SLIT3: variants seen among roughly 807,000 people sequenced by gnomAD.
The protein encoded by SLIT3 is slit guidance ligand 3.
SLIT3 carries 68 observed loss-of-function variants against 184.0 expected under a neutral mutation model. That is an observed-to-expected ratio of 0.37 (90% CI 0.30 to 0.45). The LOEUF is 0.45. Ranked by LOEUF, SLIT3 falls within the 20% of genes least tolerant of loss-of-function variation. The pLI is 1.00. For missense variants in SLIT3, 1,707 were observed against 2,026.0 expected, an observed-to-expected ratio of 0.84 and a Z score of 3.02; for synonymous variants, 831 against 828.6, an observed-to-expected ratio of 1.00 and a Z score of -0.05.
intron 3 of SLIT3, among the ~76,000 whole-genome samples, chr5:169,243,396 T>A (rs1397263051): frequency 6.6e-6 from 1 of 152,230 alleles, no homozygotes; most frequent in East Asian, 1.9e-4. Flanking sequence ...TTAAGAAACT[T>A]AAAAATAAAC....
intron 3 of SLIT3, among the ~76,000 whole-genome samples, chr5:169,235,959 C>G (rs1273813526): frequency 6.6e-6 from 1 of 152,182 alleles, no homozygotes; most frequent in Non-Finnish European, 1.5e-5. Context: ...CACTCCCTTC[C>G]CTTTTCACAT....
chr5:168,994,315 C>G (rs1755434900), intron 4 of SLIT3: 1 of 152,162 alleles, frequency 6.6e-6, no homozygotes, highest in Admixed American at 6.5e-5. Context: ...TACTGAGAAT[C>G]AAAGGCATCC....
intron 1 of SLIT3, among the ~76,000 whole-genome samples, chr5:169,285,637 G>A (rs1246723736): frequency 6.6e-6 from 1 of 152,178 alleles, no homozygotes; most frequent in African/African-American, 2.4e-5. Flanking sequence ...CTGAGTTGCT[G>A]CACACCTCTT....
At chr5:169,174,420 C>T (rs1325056237) in intron 4 of SLIT3, among the ~76,000 whole-genome samples, 1 of 152,162 alleles carries the variant, frequency 6.6e-6, no homozygotes, top group Non-Finnish European at 1.5e-5. Flanking sequence ...GAGAGCATCT[C>T]TCCTTCTCAG....
At chr5:168,780,589 GTTATCACCTCTACACATTGGCACGAACGC>G (rs1287333738) in intron 12 of SLIT3, among the ~76,000 whole-genome samples, 8 of 152,202 alleles carry the variant, frequency 5.3e-5, no homozygotes, top group African/African-American at 1.9e-4. Context: ...CCTGGAAGTA[GTTATCACCTCTACACATTGGCACGAACGC>G]TTAGTGAAGA....
chr5:169,121,881 C>T lies in SLIT3; in HGVS notation c.413+71598G>A, dbSNP rs561773286. Among the ~76,000 whole-genome samples the T allele has an allele frequency of 2.3e-3, 343 of 152,314 alleles. 2 individuals are homozygous for T. Among genetic ancestry groups the T allele is most frequent in the Admixed American group, 4.8e-3 (73 of 15,306 alleles). On this transcript the variant is annotated intron_variant, in intron 4 of 35. Transcript: ENST00000519560. ...GTTATGCAGGAGCTGCTGTGAATTC[C>T]AGTTTAGTGCTCCTTTCTCAACTCC... is the stretch of plus-strand genomic sequence containing the variant.
intron 4 of SLIT3, among the ~76,000 whole-genome samples, chr5:168,961,542 G>A (rs1763008116): frequency 6.6e-6 from 1 of 152,200 alleles, no homozygotes; most frequent in South Asian, 2.1e-4. Flanking sequence ...AAGACAAAAT[G>A]TGAGTGTTAT....
intron 4 of SLIT3, among the ~76,000 whole-genome samples, chr5:169,126,422 T>C (rs1469578210): frequency 6.6e-6 from 1 of 152,172 alleles, no homozygotes; most frequent in Non-Finnish European, 1.5e-5. Flanking sequence ...TATTTTGTAA[T>C]CCTCAGAGCC....
At chr5:168,929,940 C>T (rs1269839107) in intron 4 of SLIT3, among the ~76,000 whole-genome samples, 1 of 152,192 alleles carries the variant, frequency 6.6e-6, no homozygotes, top group Non-Finnish European at 1.5e-5. Context: ...CCACATCTAC[C>T]TTTGAGCTCA....
intron 4 of SLIT3, among the ~76,000 whole-genome samples, chr5:169,090,475 G>A (rs752499413): frequency 5.9e-5 from 9 of 152,162 alleles, no homozygotes; most frequent in African/African-American, 9.7e-5. Context: ...GAGGCAAACA[G>A]GGCCAGGATC....
chr5:168,818,091 A>G (rs992589347), intron 7 of SLIT3, among the ~76,000 whole-genome samples: 2 of 152,012 alleles, frequency 1.3e-5, no homozygotes, highest in African/African-American at 2.4e-5. Context: ...CCACCCTCCC[A>G]CTTAAATAAG....
In SLIT3 at chr5:169,251,432, C is replaced by T. The variant is rs1475048748; in HGVS notation, c.225G>A (p.Arg75=). The T allele has an allele frequency of 1.2e-5, 19 of 1,613,420 alleles. No homozygotes were observed. The highest frequency in any genetic ancestry group is 1.5e-5 in the Non-Finnish European group (18 of 1,179,560). Residue 75 remains arginine (R), a synonymous_variant, in exon 2 of 36, where the codon AGG becomes AGA. Transcript: ENST00000519560. ...GCCCAGCGAAGTCCATCTTGGTGAT[C>T]CTGGTGATATTATTTCTGTCCAGGT... The part of the protein sequence containing the change: ...RLDLDRNNIT[R]ITKMDFAGLK...
intron 5 of SLIT3, 64 bp downstream of exon 5, chr5:168,883,201 C>A: frequency 7.5e-7 from 1 of 1,335,564 alleles, no homozygotes; most frequent in South Asian, 1.2e-5. Context: ...ATCCCTCACC[C>A]TCACTCTGGT....
intron 5 of SLIT3, among the ~76,000 whole-genome samples, chr5:168,870,658 C>A (rs2113765733): frequency 6.6e-6 from 1 of 152,346 alleles, no homozygotes. Flanking sequence ...CCATCAAACT[C>A]TGTGATATGA....
chr5:168,910,493 C>T (rs772007888), intron 4 of SLIT3, among the ~76,000 whole-genome samples: 5 of 152,180 alleles, frequency 3.3e-5, no homozygotes, highest in Non-Finnish European at 7.3e-5. Context: ...CCTGTAATCT[C>T]AGCACTTTGG....
chr5:169,081,502 G>T (rs1250805557), intron 4 of SLIT3, among the ~76,000 whole-genome samples: 1 of 152,196 alleles, frequency 6.6e-6, no homozygotes, highest in Non-Finnish European at 1.5e-5. Context: ...TGCTAATGGG[G>T]CCCTTTCCTC....
rs1201688021 is a variant in SLIT3, at chr5:169,046,598, G to A, written c.413+146881C>T. On this transcript the variant is annotated intron_variant, in intron 4 of 35. Transcript: ENST00000519560. ...GCACGAAGAAAGCCATGCAAGGGTT[G>A]AGAATCACTTTCTCCTTGCCTTGCA... is the stretch of plus-strand genomic sequence containing the variant. Among the ~76,000 whole-genome samples the A allele has an allele frequency of 3.3e-5, 5 of 152,206 alleles. No individual in the cohort carries two copies. The South Asian group carries it at 6.2e-4, about 19-fold the overall frequency.
chr5:169,054,001 G>C (rs1452837928), intron 4 of SLIT3, among the ~76,000 whole-genome samples: 1 of 152,084 alleles, frequency 6.6e-6, no homozygotes, highest in Non-Finnish European at 1.5e-5. Context: ...TGAGGCAGGA[G>C]AATCTCTTGA....
intron 20 of SLIT3, among the ~76,000 whole-genome samples, chr5:168,736,422 A>G (rs1458896010): frequency 6.6e-6 from 1 of 152,148 alleles, no homozygotes; most frequent in Non-Finnish European, 1.5e-5. Context: ...AGCTGGCTGG[A>G]GGCACATTTC....
Sources: gnomAD v4.1 joint callset for allele counts (sites outside exome capture counted in the v4.1 genomes callset) on GRCh38, gnomAD v4.1.1 for gene constraint, MANE v1.5 for transcripts, NCBI Gene and HGNC (gene_info 2026-07-23, HGNC 2026-07-21) for gene names.